The following USP42 variants were observed in gnomAD, a reference collection of about 807,000 sequenced individuals.
USP42 encodes ubiquitin specific peptidase 42, also known as ubiquitin carboxyl-terminal hydrolase 42.
A neutral mutation model predicts 113.0 loss-of-function variants in USP42; 23 were observed. That is an observed-to-expected ratio of 0.20 (90% CI 0.15 to 0.29). USP42 has a LOEUF of 0.29. Among genes scored for constraint, USP42 ranks in the 10% least tolerant of loss-of-function variants. The pLI is 1.00. For missense variants in USP42, 2,174 were observed against 1,779.8 expected (o/e 1.22, Z -3.99); for synonymous variants, 933 against 699.0 (o/e 1.33, Z -5.28).
At chr7:6,103,534 A>T (rs1410167183), upstream of USP42, among the ~76,000 whole-genome samples, 1 of 150,190 alleles carries the variant, frequency 6.7e-6, no homozygotes, top group Non-Finnish European at 1.5e-5. Context: ...AAAAAGAAAA[A>T]GAAAATCCCT....
rs2128504309 is a variant in USP42 at position 6,139,908 on chromosome 7, T to C, written c.657-220T>C. On this transcript the variant is annotated intron_variant, in intron 5 of 17. Transcript: ENST00000306177. The surrounding 1 kb of genome is among the most constrained non-coding windows in gnomAD (Gnocchi z 4.5). ...CGAGTCCCTTCCTGACAGACACAGC[T>C]CCCACAGCTCTGCGTCTCCTCCCGC... is the stretch of plus-strand genomic sequence containing the variant. 1 of 581,340 alleles carries C rather than the reference T, an allele frequency of 1.7e-6. No homozygotes were observed. The highest frequency in any genetic ancestry group is 3.1e-6 in the Non-Finnish European group (1 of 325,888). The allele number at this position is 581,340 out of a possible 1,614,324, so 36.0% of individuals were successfully genotyped here.
chr7:6,099,652 T>C, the USP42 span, among the ~76,000 whole-genome samples: 1 of 150,376 alleles, frequency 6.6e-6, no homozygotes, highest in African/African-American at 2.5e-5. Context: ...CTGCCCCAAT[T>C]TTCCCTCTTT....
rs1472297715 is a variant in USP42, at chr7:6,154,901, G to A, written c.3347G>A (p.Ser1116Asn). ...ARERERHRPS[S>N]PRAGAPHALA... ...GAGAGGGAGCGGCACCGCCCCAGCA[G>A]CCCCCGCGCAGGCGCGCCCCACGCC... Residue 1116 changes from serine to asparagine, a missense_variant, in exon 15 of 18, where the codon AGC (serine) becomes AAC (asparagine). Coordinates refer to ENST00000306177, the MANE Select transcript of USP42 (RefSeq NM_032172.3). 6 of 1,543,780 alleles carry A rather than the reference G, an allele frequency of 3.9e-6. No homozygotes were observed. The highest frequency in any genetic ancestry group is 5.2e-6 in the Non-Finnish European group (6 of 1,143,322).
chr7:6,101,763 C>T (rs767075143), upstream of USP42, among the ~76,000 whole-genome samples: 2 of 150,986 alleles, frequency 1.3e-5, no homozygotes, highest in Non-Finnish European at 2.9e-5. Context: ...GGGTAGACAA[C>T]GCCAAGAGAT....
chr7:6,103,221 T>C (rs902375221), upstream of USP42, among the ~76,000 whole-genome samples: 2 of 150,900 alleles, frequency 1.3e-5, no homozygotes, highest in African/African-American at 5.0e-5. Context: ...ACTGGTCCAG[T>C]TGTCTCCTAA....
rs1782773639 is a variant in USP42, at chr7:6,161,352, A to G, written c.*834A>G. ...TATGCTATCAAACTGTGATACACTT[A>G]TAATTCACTGGTCCTGCATCAGGAG... On this transcript the variant is annotated 3_prime_UTR_variant, in exon 18 of 18. Coordinates refer to ENST00000306177, the MANE Select transcript of USP42 (RefSeq NM_032172.3). 1 of 152,598 alleles carries G rather than the reference A, an allele frequency of 6.6e-6. No individual in the cohort carries two copies. Among genetic ancestry groups the G allele is most frequent in the Non-Finnish European group, 1.5e-5 (1 of 68,034 alleles). 9.5% of individuals were successfully genotyped at this position (152,598 alleles called of 1,614,324 possible).
the USP42 span, among the ~76,000 whole-genome samples, chr7:6,091,343 G>A: frequency 2.0e-5 from 3 of 150,380 alleles, no homozygotes; most frequent in Admixed American, 1.3e-4. Context: ...TCCCACCTCC[G>A]CCTCCCTCAA....
chr7:6,105,560 A>G (rs1779231793), intron 1 of USP42, among the ~76,000 whole-genome samples: 3 of 151,062 alleles, frequency 2.0e-5, no homozygotes, highest in African/African-American at 7.3e-5. Flanking sequence ...TCCCTAACAG[A>G]GGCAAAGTTT....
At chr7:6,141,631 T>C (rs932466542) in intron 7 of USP42, among the ~76,000 whole-genome samples, 1 of 151,968 alleles carries the variant, frequency 6.6e-6, no homozygotes, top group African/African-American at 2.4e-5. Flanking sequence ...CAATATCAGC[T>C]CACTGCATCC....
intron 7 of USP42, among the ~76,000 whole-genome samples, chr7:6,142,367 C>T (rs546864208): frequency 1.3e-5 from 2 of 152,064 alleles, no homozygotes; most frequent in African/African-American, 4.8e-5. Flanking sequence ...CAGGCGCGTG[C>T]CACTGTGCCC....
In USP42 at chr7:6,139,233, A is replaced by G; in HGVS notation, c.656+39A>G. ...AGCGCCAGCCATGTCTTCATTGGGG[A>G]TCTCTGGTTGTAGTTTATTCTTATC... On this transcript the variant is annotated intron_variant, in intron 5 of 17. Transcript: ENST00000306177. This position sits in a 1 kb window ranked among gnomAD's most constrained non-coding sequence, Gnocchi z 4.5. The G allele has an allele frequency of 7.0e-7, 1 of 1,437,682 alleles. No homozygotes were observed. Among genetic ancestry groups the G allele is most frequent in the Non-Finnish European group, 9.5e-7 (1 of 1,050,944 alleles). The allele number at this position is 1,437,682 out of a possible 1,614,324, so 89.1% of individuals were successfully genotyped here. A position where few individuals can be genotyped will look rare whatever the true frequency, so the allele number is the denominator to read the frequency against.
At chr7:6,147,711 C>T (rs758644479) in intron 11 of USP42, 28 bp from the exon 12 acceptor site, 1 of 1,551,910 alleles carries the variant, frequency 6.4e-7, no homozygotes, top group East Asian at 2.3e-5. Flanking sequence ...TCCTGTGTCA[C>T]CCTAAGTATC....
At chr7:6,086,940 C>T in the USP42 span, among the ~76,000 whole-genome samples, 9 of 150,268 alleles carry the variant, frequency 6.0e-5, 1 homozygote, top group Admixed American at 6.0e-4. Flanking sequence ...GTTGGCCAGG[C>T]TTGTCTCGAA....
At chr7:6,081,824 T>C in the USP42 span, 17 of 152,142 alleles carry the variant, frequency 1.1e-4, no homozygotes, top group African/African-American at 3.1e-4. Context: ...TGAAACCTGA[T>C]CTCGTTCTTT....
chr7:6,154,633 G>A lies in USP42; in HGVS notation c.3079G>A (p.Gly1027Arg), dbSNP rs763813423. Residue 1027 changes from glycine (G) to arginine (R), a missense_variant, in exon 15 of 18, where the codon GGG (glycine) becomes AGG (arginine). Transcript: ENST00000306177. ...TCACCACCACTCCCGACACCGGAGC[G>A]GGGTGGAGCTGGACTGGGTCAGACA... ...CSHHHSRHRSGVELDWVRHHY... is the reference protein window; with the variant it reads ...CSHHHSRHRSRVELDWVRHHY... The A allele has an allele frequency of 5.0e-6, 8 of 1,602,690 alleles. No individual in the cohort carries two copies. The Admixed American group carries it at 5.1e-5, about 10-fold the overall frequency.
chr7:6,085,624 A>ATTTTT, the USP42 span, among the ~76,000 whole-genome samples: 1 of 138,328 alleles, frequency 7.2e-6, no homozygotes, highest in African/African-American at 2.8e-5. Context: ...ATATATATAT[A>ATTTTT]TTTTTTTTGA....
upstream of USP42, among the ~76,000 whole-genome samples, chr7:6,103,291 C>A (rs1047363412): frequency 4.6e-5 from 7 of 150,864 alleles, no homozygotes; most frequent in Non-Finnish European, 7.4e-5. Flanking sequence ...GGTCTATCCC[C>A]TTCAGAGCCA....
At chr7:6,129,026 G>A (rs1453238529) in intron 3 of USP42, among the ~76,000 whole-genome samples, 1 of 152,034 alleles carries the variant, frequency 6.6e-6, no homozygotes, top group African/African-American at 2.4e-5. Context: ...TGCCCAGGCT[G>A]GTCTCAAACT....
At chr7:6,091,714 C>CACACACACACACACAT in the USP42 span, among the ~76,000 whole-genome samples, 6 of 148,802 alleles carry the variant, frequency 4.0e-5, no homozygotes, top group East Asian at 3.9e-4. Flanking sequence ...CACACACACA[C>CACACACACACACACAT]ATATATATGT....
Sources: gnomAD v4.1 joint callset for allele counts (sites outside exome capture counted in the v4.1 genomes callset) on GRCh38, gnomAD v4.1.1 for gene constraint, Gnocchi (gnomAD v3.1) non-coding constraint, MANE v1.5 for transcripts, NCBI Gene and HGNC (gene_info 2026-07-23, HGNC 2026-07-21) for gene names.